The following ENPP3 variants were observed in gnomAD, a reference collection of about 807,000 sequenced individuals.
ENPP3 encodes the protein ectonucleotide pyrophosphatase/phosphodiesterase family member 3.
Under a neutral mutation model 117.8 loss-of-function variants are expected in ENPP3, and 104 were observed. That is an observed-to-expected ratio of 0.88 (90% CI 0.75 to 1.04). The LOEUF (loss-of-function observed/expected upper bound fraction) is 1.04. Ranked by LOEUF, ENPP3 falls within the 50% of genes least tolerant of loss-of-function variation. The pLI is 0.00. For missense variants in ENPP3, 1,026 were observed against 1,051.9 expected (o/e 0.98, Z 0.34); for synonymous variants, 380 against 349.9 (o/e 1.09, Z -0.96).
chr6:131,669,894 G>T (rs190176001), intron 6 of ENPP3, among the ~76,000 whole-genome samples: 98 of 152,214 alleles, frequency 6.4e-4, no homozygotes, highest in Non-Finnish European at 1.2e-3. Context: ...TGACTTTTTG[G>T]ATGACAATTA....
At chr6:131,715,635 C>T (rs1293651804) in intron 15 of ENPP3, among the ~76,000 whole-genome samples, 1 of 151,556 alleles carries the variant, frequency 6.6e-6, no homozygotes, top group Non-Finnish European at 1.5e-5. Context: ...CCTCTCCACT[C>T]CACAACCAGG....
At chr6:131,639,892 C>T (rs993573341) in intron 1 of ENPP3, among the ~76,000 whole-genome samples, 8 of 151,960 alleles carry the variant, frequency 5.3e-5, no homozygotes, top group South Asian at 2.1e-4. Context: ...TTTAGGAGGC[C>T]GAGATAAGAG....
At chr6:131,674,126 T>C in intron 7 of ENPP3, 36 bp from the exon 8 acceptor site, 1 of 1,330,722 alleles carries the variant, frequency 7.5e-7, no homozygotes, top group Middle Eastern at 2.3e-4. Context: ...TTTACTAATA[T>C]TTTATCTTAC....
At chr6:131,719,217 G>T (rs760931186) in intron 16 of ENPP3, among the ~76,000 whole-genome samples, 3 of 151,974 alleles carry the variant, frequency 2.0e-5, no homozygotes, top group Non-Finnish European at 2.9e-5. Flanking sequence ...AAAGGTAAAA[G>T]AATTCGCCTT....
chr6:131,738,118 A>T lies in ENPP3; in HGVS notation c.2255A>T (p.Asp752Val), dbSNP rs1409494457. ...AATGTGGTTAGTGGACCAATATTTG[A>T]TTATAATTATGATGGCCATTTTGAT... Reference protein sequence around the residue: ...GVNVVSGPIFDYNYDGHFDAP... With the variant: ...GVNVVSGPIFVYNYDGHFDAP... The change falls in exon 23 of 25, where the codon GAT becomes GTT. Residue 752 changes from aspartate (D) to valine (V), a missense_variant. By Grantham distance (152) the Asp-to-Val change is radical (BLOSUM62 -3). Coordinates refer to ENST00000357639, the MANE Select transcript of ENPP3 (RefSeq NM_005021.5). 6.2e-7 allele frequency: 1 copy of T among 1,610,390 alleles called. No individual in the cohort carries two copies. The highest frequency in any genetic ancestry group is 1.7e-5 in the Admixed American group (1 of 59,738).
In ENPP3 at chr6:131,676,614, T is replaced by C. The variant is rs569954546; in HGVS notation, c.873-122T>C. The C allele has an allele frequency of 3.5e-5, 23 of 659,990 alleles. No individual in the cohort carries two copies. The African/African-American group carries it at 3.9e-4, about 11-fold the overall frequency. The allele number at this position is 659,990 out of a possible 1,614,324, so 40.9% of individuals were successfully genotyped here. On this transcript the variant is annotated intron_variant, in intron 9 of 24. Coordinates refer to ENST00000357639, the MANE Select transcript of ENPP3 (RefSeq NM_005021.5). ...GAATAATACTGAATACCTTCCAGTA[T>C]TGTGATTATATAGGAACACAAAATG...
At chr6:131,662,191 T>G (rs190939421) in intron 6 of ENPP3, among the ~76,000 whole-genome samples, 14 of 152,312 alleles carry the variant, frequency 9.2e-5, no homozygotes, top group African/African-American at 3.1e-4. Context: ...GCACCCTTTT[T>G]GAAGATCGGT....
chr6:131,716,658 A>G (rs945456849), intron 15 of ENPP3, among the ~76,000 whole-genome samples: 3 of 6,326 alleles, frequency 4.7e-4, no homozygotes, highest in African/African-American at 2.0e-3. Context: ...GAATAAAAAC[A>G]TTTATTTATT....
At chr6:131,658,210 C>A in intron 5 of ENPP3, 113 bp from the exon 6 acceptor site, 2 of 652,956 alleles carry the variant, frequency 3.1e-6, no homozygotes, top group Non-Finnish European at 5.4e-6. Context: ...GGCTATGGCC[C>A]AAAAGTTACC....
At chr6:131,745,710 C>A (rs1780622081) in intron 24 of ENPP3, among the ~76,000 whole-genome samples, 1 of 152,174 alleles carries the variant, frequency 6.6e-6, no homozygotes, top group Non-Finnish European at 1.5e-5. Context: ...CTATTTTACA[C>A]CCACGGTTTG....
intron 18 of ENPP3, 126 bp downstream of exon 18, chr6:131,722,531 T>C: frequency 4.2e-6 from 3 of 718,982 alleles, no homozygotes; most frequent in South Asian, 1.8e-5. Context: ...TTAGTAAATA[T>C]ATGTGGTTTC....
chr6:131,745,874 T>C (rs935359730), intron 24 of ENPP3, among the ~76,000 whole-genome samples: 29 of 152,116 alleles, frequency 1.9e-4, no homozygotes, highest in Admixed American at 1.2e-3. Flanking sequence ...ATCCCAGCAC[T>C]TTGGGAGGCC....
chr6:131,675,154 TG>T lies in ENPP3; in HGVS notation c.839del (p.Gly280AlafsTer24). On this transcript the variant is annotated frameshift_variant, in exon 9 of 25. Transcript: ENST00000357639. LOFTEE classifies it high-confidence loss of function. ...FWPGSEVAIN[G>X]SFPSIYMPYN... ...GGCCCGGATCAGAAGTGGCTATAAA[TG>T]GCTCCTTTCCTTCCATATACATGCC... The T allele has an allele frequency of 6.2e-7, 1 of 1,613,078 alleles. No homozygotes were observed. The highest frequency in any genetic ancestry group is 8.5e-7 in the Non-Finnish European group (1 of 1,179,128).
rs764000970 is a variant in ENPP3, at chr6:131,654,329, CAG to C, written c.464+1439_464+1440del. Among the ~76,000 whole-genome samples the C allele has an allele frequency of 8.4e-4, 128 of 151,886 alleles. 1 individual carries two copies. Among genetic ancestry groups the C allele is most frequent in the Admixed American group, 1.8e-3 (28 of 15,244 alleles). On this transcript the variant is annotated intron_variant, in intron 5 of 24. Coordinates refer to ENST00000357639, the MANE Select transcript of ENPP3 (RefSeq NM_005021.5). ...TTTTTTTGTATTTTTTTTGTACAGA[CAG>C]GGGCTCACTATGTTGCCCAGACTGG... is the stretch of plus-strand genomic sequence containing the variant.
chr6:131,689,891 A>G (rs545114319), intron 14 of ENPP3, among the ~76,000 whole-genome samples: 14 of 152,312 alleles, frequency 9.2e-5, no homozygotes, highest in African/African-American at 3.4e-4. Flanking sequence ...ACCCTCCTGG[A>G]TAACTTTGAA....
chr6:131,679,788 A>G lies in ENPP3; in HGVS notation c.1011+1848A>G, dbSNP rs145035925. ...AATGAACAAATGGTCTGACAAACAA[A>G]TGGCTAGATGGCTCAGCAAGTAGAC... is the stretch of plus-strand genomic sequence containing the variant. On this transcript the variant is annotated intron_variant, in intron 11 of 24. Transcript: ENST00000357639. Among the ~76,000 whole-genome samples, 4 of 152,278 alleles carry G rather than the reference A, an allele frequency of 2.6e-5. No individual in the cohort carries two copies. The East Asian group carries it at 7.7e-4, about 29-fold the overall frequency.
At position 131,726,155 on chromosome 6, in the gene ENPP3, A is replaced by G; in HGVS notation, c.1908A>G (p.Lys636=). 1 of 1,614,058 alleles carries G rather than the reference A, an allele frequency of 6.2e-7. No homozygotes were observed. Among genetic ancestry groups the G allele is most frequent in the Non-Finnish European group, 8.5e-7 (1 of 1,179,944 alleles). The change falls in exon 20 of 25, where the codon AAA becomes AAG. Residue 636 remains lysine (K), a synonymous_variant. Coordinates refer to ENST00000357639, the MANE Select transcript of ENPP3 (RefSeq NM_005021.5). ...YHREYVSGFG[K]AMRMPMWSSY... is the part of the protein sequence containing the mutation. ...GGGAATATGTCAGTGGATTTGGAAAAGCTATGAGGATGCCCATGTGGAGTT... is the reference window on the plus strand; with the variant it reads ...GGGAATATGTCAGTGGATTTGGAAAGGCTATGAGGATGCCCATGTGGAGTT...
chr6:131,726,233 A>C (rs780817081), intron 20 of ENPP3, 33 bp downstream of exon 20: 1 of 1,588,958 alleles, frequency 6.3e-7, no homozygotes, highest in Non-Finnish European at 8.6e-7. Context: ...CCATGCAGGC[A>C]AGAAATATTT....
chr6:131,732,710 CATTATTATTATTATTATTATTATT>C, intron 20 of ENPP3, among the ~76,000 whole-genome samples: 1 of 131,750 alleles, frequency 7.6e-6, no homozygotes, highest in African/African-American at 2.8e-5. Flanking sequence ...TGGCCTAAGA[CATTATTATTATTATTATTATTATT>C]ATTATTATTA....
Sources: gnomAD v4.1 joint callset for allele counts (sites outside exome capture counted in the v4.1 genomes callset) on GRCh38, gnomAD v4.1.1 for gene constraint, MANE v1.5 for transcripts, NCBI Gene and HGNC (gene_info 2026-07-23, HGNC 2026-07-21) for gene names.